MACROD2: variants seen among roughly 807,000 people sequenced by gnomAD.
The protein encoded by MACROD2 is mono-ADP ribosylhydrolase 2.
In MACROD2, 36 loss-of-function variants were observed where a neutral mutation model predicts 70.4. That is an observed-to-expected ratio of 0.51 (90% CI 0.39 to 0.68). The LOEUF (loss-of-function observed/expected upper bound fraction) is 0.68, where lower values mean the gene tolerates loss of function less well. Ranked by LOEUF, MACROD2 falls within the 30% of genes least tolerant of loss-of-function variation. The pLI, the probability that MACROD2 is intolerant of heterozygous loss-of-function variation, is 0.00. For synonymous variants in MACROD2, 172 were observed against 178.8 expected (o/e 0.96, Z 0.30); for missense variants, 496 against 538.4 (o/e 0.92, Z 0.78).
intron 4 of MACROD2, chr20:14,547,339 A>C (rs890491368): frequency 4.2e-6 from 1 of 235,522 alleles, no homozygotes; most frequent in Non-Finnish European, 9.5e-6. Flanking sequence ...AACAAAGTCC[A>C]TCATACAGAT....
At position 15,905,827 on chromosome 20, in the gene MACROD2, A is replaced by G. The variant is rs556739737; in HGVS notation, c.775+20016A>G. The stretch of plus-strand genomic sequence containing the variant: ...CCTGGATTCACGCCACACTCTCCTA[A>G]TGCCTTGCTCAAGTGTGCCTGTTCT... On this transcript the variant is annotated intron_variant, in intron 10 of 17. Transcript: ENST00000684519. Among the ~76,000 whole-genome samples, 15 of 152,290 alleles carry G rather than the reference A, an allele frequency of 9.8e-5. No homozygotes were observed. The East Asian group carries it at 2.9e-3, about 29-fold the overall frequency.
At chr20:15,575,734 A>C (rs77880212) in intron 8 of MACROD2, among the ~76,000 whole-genome samples, 2,068 of 152,284 alleles carry the variant, frequency 0.014, 39 homozygotes, top group African/African-American at 0.042. Flanking sequence ...AGCACATAAG[A>C]ATAGGGCTGC....
intron 3 of MACROD2, among the ~76,000 whole-genome samples, chr20:14,357,882 G>A (rs191669642): frequency 1.3e-5 from 2 of 152,332 alleles, no homozygotes; most frequent in East Asian, 1.9e-4. Flanking sequence ...TGGCCAAGGA[G>A]GCTGTTTTGC....
At chr20:15,977,184 C>T (rs547658420) in intron 13 of MACROD2, among the ~76,000 whole-genome samples, 31 of 152,120 alleles carry the variant, frequency 2.0e-4, no homozygotes, top group East Asian at 1.9e-4. Context: ...TGACCTGGTG[C>T]GATGATTAGG....
chr20:15,822,899 T>G (rs1205559851), intron 8 of MACROD2, among the ~76,000 whole-genome samples: 1 of 152,162 alleles, frequency 6.6e-6, no homozygotes, highest in African/African-American at 2.4e-5. Flanking sequence ...ATTATACTAA[T>G]TTCCCTGTGT....
chr20:14,265,748 T>C (rs2082138973), intron 3 of MACROD2, among the ~76,000 whole-genome samples: 1 of 150,954 alleles, frequency 6.6e-6, no homozygotes, highest in African/African-American at 2.4e-5. Context: ...TTAACTCTAC[T>C]CAAATTCAAC....
intron 4 of MACROD2, among the ~76,000 whole-genome samples, chr20:14,637,240 C>T (rs1984833528): frequency 6.6e-6 from 1 of 152,098 alleles, no homozygotes; most frequent in South Asian, 2.1e-4. Context: ...ATGTGTCTAA[C>T]AGTTGACTCT....
At chr20:14,940,904 C>T (rs116870025) in intron 5 of MACROD2, among the ~76,000 whole-genome samples, 1 of 151,694 alleles carries the variant, frequency 6.6e-6, no homozygotes, top group Non-Finnish European at 1.5e-5. Flanking sequence ...TAATGCTATC[C>T]TTGTAGAAGG....
At chr20:14,973,933 A>T (rs1363915511) in intron 5 of MACROD2, among the ~76,000 whole-genome samples, 1 of 152,194 alleles carries the variant, frequency 6.6e-6, no homozygotes, top group Non-Finnish European at 1.5e-5. Flanking sequence ...AATGTTTCCA[A>T]AAAGAAAGAA....
chr20:14,726,634 CG>C (rs745949186), intron 5 of MACROD2, among the ~76,000 whole-genome samples: 4 of 152,280 alleles, frequency 2.6e-5, no homozygotes, highest in East Asian at 3.9e-4. Flanking sequence ...CTAATTTTAT[CG>C]TCAAAACAAC....
intron 5 of MACROD2, among the ~76,000 whole-genome samples, chr20:14,829,924 C>G (rs1370169293): frequency 6.6e-6 from 1 of 152,040 alleles, no homozygotes; most frequent in Non-Finnish European, 1.5e-5. Flanking sequence ...TCAATGCATA[C>G]ATTGATAATT....
chr20:14,728,698 G>T (rs1251049906), intron 5 of MACROD2, among the ~76,000 whole-genome samples: 1 of 152,154 alleles, frequency 6.6e-6, no homozygotes, highest in Non-Finnish European at 1.5e-5. Flanking sequence ...AATTAGTTCA[G>T]TGTTTCATTC....
At chr20:14,682,759 C>T (rs926774197) in intron 4 of MACROD2, among the ~76,000 whole-genome samples, 7 of 151,802 alleles carry the variant, frequency 4.6e-5, no homozygotes, top group African/African-American at 9.7e-5. Context: ...TCCTTGTATA[C>T]GTATTTTTTG....
chr20:14,862,296 AAT>A (rs1308868877), intron 5 of MACROD2, among the ~76,000 whole-genome samples: 3,783 of 29,006 alleles, frequency 0.13, 358 homozygotes, highest in East Asian at 0.32. Context: ...TATTTATATA[AAT>A]ATATATAAAT....
chr20:15,013,455 G>T (rs1190810565), intron 5 of MACROD2, among the ~76,000 whole-genome samples: 2 of 152,136 alleles, frequency 1.3e-5, no homozygotes, highest in East Asian at 3.9e-4. Context: ...TGGGAGTGAG[G>T]CTGGTAGACA....
At chr20:15,405,374 G>A (rs1200908028) in intron 6 of MACROD2, among the ~76,000 whole-genome samples, 2 of 152,170 alleles carry the variant, frequency 1.3e-5, no homozygotes, top group African/African-American at 2.4e-5. Flanking sequence ...AAGCAAATAA[G>A]GTCTTCTCTT....
intron 3 of MACROD2, among the ~76,000 whole-genome samples, chr20:14,426,307 ATT>A (rs902532551): frequency 6.6e-6 from 1 of 150,792 alleles, no homozygotes; most frequent in African/African-American, 2.4e-5. Flanking sequence ...TCCAAGACTT[ATT>A]TTTTTTGTTC....
chr20:15,180,816 C>CA (rs1161946573), intron 5 of MACROD2, among the ~76,000 whole-genome samples: 1 of 152,164 alleles, frequency 6.6e-6, no homozygotes, highest in African/African-American at 2.4e-5. Flanking sequence ...TTCAACACCT[C>CA]AAAATGGACA....
intron 5 of MACROD2, among the ~76,000 whole-genome samples, chr20:15,042,476 G>A (rs1426924833): frequency 6.6e-6 from 1 of 152,206 alleles, no homozygotes; most frequent in East Asian, 1.9e-4. Context: ...TTTGGCTGAG[G>A]CCTGACTCTC....
Sources: gnomAD v4.1 joint callset for allele counts (sites outside exome capture counted in the v4.1 genomes callset) on GRCh38, gnomAD v4.1.1 for gene constraint, MANE v1.5 for transcripts, NCBI Gene and HGNC (gene_info 2026-07-23, HGNC 2026-07-21) for gene names.